The following TPST1 variants were observed in gnomAD, a reference collection of about 807,000 sequenced individuals.
TPST1 encodes tyrosylprotein sulfotransferase 1, also known as protein-tyrosine sulfotransferase 1.
A neutral mutation model predicts 34.8 loss-of-function variants in TPST1; 20 were observed. The observed-to-expected ratio is 0.57, with a 90% CI of 0.40 to 0.84. TPST1 has a LOEUF of 0.84. Among genes scored for constraint, TPST1 ranks in the 40% least tolerant of loss-of-function variants. The pLI, the probability that TPST1 is intolerant of heterozygous loss-of-function variation, is 0.00. For synonymous variants in TPST1, 152 were observed against 159.4 expected (o/e 0.95, Z 0.35); for missense variants, 353 against 455.5 (o/e 0.78, Z 2.05).
At chr7:66,260,563 G>T (rs1376047473) in intron 2 of TPST1, among the ~76,000 whole-genome samples, 1 of 152,144 alleles carries the variant, frequency 6.6e-6, no homozygotes, top group East Asian at 1.9e-4. Context: ...TACGAGTTGT[G>T]TTTCCCTGTT....
intron 1 of TPST1, among the ~76,000 whole-genome samples, chr7:66,224,262 AT>A (rs1367130238): frequency 6.6e-6 from 1 of 152,184 alleles, no homozygotes; most frequent in Non-Finnish European, 1.5e-5. Flanking sequence ...GCATTTATTC[AT>A]TGGCAAGTTC....
Position 66,360,392 on chromosome 7 carries a change from CTAA to C in TPST1, c.*529_*531del, listed in dbSNP as rs1441656471. 1 of 152,768 alleles carries C rather than the reference CTAA, an allele frequency of 6.5e-6. No individual in the cohort carries two copies. 9.5% of individuals were successfully genotyped at this position (152,768 alleles called of 1,614,324 possible). On this transcript the variant is annotated 3_prime_UTR_variant, in exon 6 of 6. Coordinates refer to ENST00000304842, the MANE Select transcript of TPST1 (RefSeq NM_003596.4). Reference sequence around the variant, plus strand: ...GAAATTACCATTATACATTTACAACCTAATGACTTTTGTATTTTATTTTTCAAA... The same window carrying C: ...GAAATTACCATTATACATTTACAACCTGACTTTTGTATTTTATTTTTCAAA...
intron 3 of TPST1, among the ~76,000 whole-genome samples, chr7:66,328,263 G>A (rs1385937307): frequency 6.6e-6 from 1 of 151,834 alleles, no homozygotes; most frequent in Non-Finnish European, 1.5e-5. Flanking sequence ...CTGAGCTCAG[G>A]CAATCTTCTC....
intron 1 of TPST1, among the ~76,000 whole-genome samples, chr7:66,207,449 G>C (rs1051211160): frequency 1.3e-5 from 2 of 152,154 alleles, no homozygotes; most frequent in Non-Finnish European, 2.9e-5. Flanking sequence ...ACTTTCGAAA[G>C]CTAACGTCTT....
At position 66,296,258 on chromosome 7, in the gene TPST1, T is replaced by A. The variant is rs1054832030; in HGVS notation, c.1044+9549T>A. On this transcript the variant is annotated intron_variant, in intron 3 of 5. Transcript: ENST00000304842. The stretch of plus-strand genomic sequence containing the variant: ...AAAACACCCACCCTTCCCCCCCCCC[T>A]CCCCCACCGTCTCTGCCTATCTTTA... Among the ~76,000 whole-genome samples, 18 of 12,454 alleles carry A rather than the reference T, an allele frequency of 1.4e-3. 1 individual carries two copies. The East Asian group carries it at 0.031, about 22-fold the overall frequency. 8.2% of individuals were successfully genotyped at this position (12,454 alleles called of 152,430 possible).
At chr7:66,319,075 GT>G (rs897435328) in intron 3 of TPST1, among the ~76,000 whole-genome samples, 4 of 151,840 alleles carry the variant, frequency 2.6e-5, no homozygotes, top group Non-Finnish European at 5.9e-5. Flanking sequence ...TCATTTATTT[GT>G]TTTGTTTTGT....
Position 66,300,365 on chromosome 7 carries a change from A to T in TPST1, c.1044+13656A>T, listed in dbSNP as rs543219045. 5.3e-5 allele frequency among the ~76,000 whole-genome samples: 8 copies of T among 152,230 alleles called. No homozygotes were observed. In the South Asian group the frequency reaches 1.5e-3, roughly 28 times the overall value. On this transcript the variant is annotated intron_variant, in intron 3 of 5. Transcript: ENST00000304842. ...TCAATCATAAGATTGTAGCAATTCA[A>T]CCACATCTTCAGGCTCACTTCTAGT... is the stretch of plus-strand genomic sequence containing the variant.
At chr7:66,324,284 T>G (rs995343851) in intron 3 of TPST1, among the ~76,000 whole-genome samples, 1 of 152,140 alleles carries the variant, frequency 6.6e-6, no homozygotes, top group African/African-American at 2.4e-5. Flanking sequence ...GTTACTCTTA[T>G]TGGAGGAAAG....
At chr7:66,318,613 C>G (rs1791685179) in intron 3 of TPST1, among the ~76,000 whole-genome samples, 1 of 152,092 alleles carries the variant, frequency 6.6e-6, no homozygotes, top group Non-Finnish European at 1.5e-5. Context: ...ACTACAGGTG[C>G]CCGCCACCAC....
chr7:66,247,000 CTG>C (rs1790163622), intron 2 of TPST1, among the ~76,000 whole-genome samples: 2 of 152,332 alleles, frequency 1.3e-5, no homozygotes, highest in East Asian at 3.9e-4. Flanking sequence ...GTGCCAGACA[CTG>C]TGTTAGCTCC....
Position 66,333,222 on chromosome 7 carries a change from C to T in TPST1, c.1045-19283C>T, listed in dbSNP as rs113714952. The stretch of plus-strand genomic sequence containing the variant: ...ATTTCCGTCTACAAACCCAAAGCAG[C>T]AAATACAATTTACTTTTATATTTGA... On this transcript the variant is annotated intron_variant, in intron 3 of 5. Coordinates refer to ENST00000304842, the MANE Select transcript of TPST1 (RefSeq NM_003596.4). 3.2e-4 allele frequency among the ~76,000 whole-genome samples: 49 copies of T among 152,314 alleles called. 4 individuals carry two copies. Among genetic ancestry groups the T allele is most frequent in the African/African-American group, 1.1e-3 (47 of 41,578 alleles).
rs773842304 is a variant in TPST1 at position 66,240,751 on chromosome 7, C to A, written c.326C>A (p.Ala109Asp). ...EETRVIPRIL[A>D]LKQMWSRSSK... Reference sequence around the variant, plus strand: ...ACCAGGGTCATTCCCCGAATCCTGGCCCTGAAGCAGATGTGGTCACGGTCA... The same window carrying A: ...ACCAGGGTCATTCCCCGAATCCTGGACCTGAAGCAGATGTGGTCACGGTCA... The change falls in exon 2 of 6, where the codon GCC (alanine) becomes GAC (aspartate). Residue 109 changes from alanine (A) to aspartate (D), a missense_variant. By Grantham distance (126) the Ala-to-Asp change is moderately radical. Coordinates refer to ENST00000304842, the MANE Select transcript of TPST1 (RefSeq NM_003596.4). The A allele has an allele frequency of 2.5e-6, 4 of 1,614,188 alleles. No homozygotes were observed. The highest frequency in any genetic ancestry group is 3.4e-6 in the Non-Finnish European group (4 of 1,180,028).
intron 3 of TPST1, among the ~76,000 whole-genome samples, chr7:66,350,679 T>C (rs775125168): frequency 1.8e-4 from 27 of 152,204 alleles, no homozygotes; most frequent in Middle Eastern, 3.2e-3. Flanking sequence ...GGATTCAGCA[T>C]TGAGATTTTC....
At chr7:66,248,427 T>C (rs1252736940) in intron 2 of TPST1, among the ~76,000 whole-genome samples, 1 of 152,112 alleles carries the variant, frequency 6.6e-6, no homozygotes, top group East Asian at 1.9e-4. Context: ...AAGAAAAACA[T>C]TGATTGTAAT....
intron 1 of TPST1, among the ~76,000 whole-genome samples, chr7:66,220,533 G>A (rs960284005): frequency 1.3e-5 from 2 of 152,132 alleles, no homozygotes; most frequent in African/African-American, 4.8e-5. Flanking sequence ...GCGCAGGAAA[G>A]ATGGCATTAA....
At chr7:66,240,059 AT>A (rs57181788) in intron 1 of TPST1, among the ~76,000 whole-genome samples, 2 of 149,646 alleles carry the variant, frequency 1.3e-5, no homozygotes, top group Admixed American at 6.7e-5. Flanking sequence ...TTTTTTTTGT[AT>A]TTTTTTTTAG....
intron 1 of TPST1, among the ~76,000 whole-genome samples, chr7:66,215,771 C>CTTTTTTTTT (rs772346557): frequency 9.2e-6 from 1 of 108,566 alleles, no homozygotes; most frequent in African/African-American, 3.7e-5. Flanking sequence ...TTTTCTTTTT[C>CTTTTTTTTT]TTTCTTTTTT....
At chr7:66,292,639 CCTTT>C (rs1246076474) in intron 3 of TPST1, among the ~76,000 whole-genome samples, 1 of 127,010 alleles carries the variant, frequency 7.9e-6, no homozygotes, top group African/African-American at 3.1e-5. Context: ...GTCCGTCACC[CCTTT>C]CTTTGACTCG....
At chr7:66,253,003 T>C (rs1790299933) in intron 2 of TPST1, among the ~76,000 whole-genome samples, 1 of 152,162 alleles carries the variant, frequency 6.6e-6, no homozygotes. Context: ...GGGTTCCACA[T>C]CCATAGATTC....
Sources: gnomAD v4.1 joint callset for allele counts (sites outside exome capture counted in the v4.1 genomes callset) on GRCh38, gnomAD v4.1.1 for gene constraint, MANE v1.5 for transcripts, NCBI Gene and HGNC (gene_info 2026-07-23, HGNC 2026-07-21) for gene names.